The following DNAI4 variants were observed in gnomAD, a reference collection of about 807,000 sequenced individuals.
DNAI4 encodes the protein dynein axonemal intermediate chain 4.
DNAI4 carries 85 observed loss-of-function variants against 105.8 expected under a neutral mutation model. The observed-to-expected ratio is 0.80, with a 90% CI of 0.67 to 0.96. DNAI4 has a LOEUF of 0.96. Ranked by LOEUF, DNAI4 falls within the 40% of genes least tolerant of loss-of-function variation. The pLI is 0.00. For synonymous variants in DNAI4, 352 were observed against 331.5 expected, an observed-to-expected ratio of 1.06 and a Z score of -0.67; for missense variants, 1,014 against 1,005.6, an observed-to-expected ratio of 1.01 and a Z score of -0.11.
At chr1:66,906,994 T>C (rs1365420748) in intron 1 of DNAI4, 1 of 152,160 alleles carries the variant, frequency 6.6e-6, no homozygotes, top group Admixed American at 6.6e-5. Flanking sequence ...AGGTCTCCTA[T>C]CTTATTTTTT....
At chr1:66,833,313 A>C (rs1645907268) in intron 13 of DNAI4, among the ~76,000 whole-genome samples, 1 of 152,138 alleles carries the variant, frequency 6.6e-6, no homozygotes, top group Non-Finnish European at 1.5e-5. Flanking sequence ...AGAGTTGTGC[A>C]ATCATCACCA....
chr1:66,900,437 A>T (rs890048829), intron 2 of DNAI4, among the ~76,000 whole-genome samples: 6 of 152,128 alleles, frequency 3.9e-5, no homozygotes, highest in Non-Finnish European at 7.4e-5. Context: ...AGTTTGTAGA[A>T]AGAAGTCAGC....
intron 16 of DNAI4, among the ~76,000 whole-genome samples, chr1:66,820,455 A>G (rs1436073611): frequency 6.6e-6 from 1 of 152,158 alleles, no homozygotes. Flanking sequence ...TACAACCCAG[A>G]AAAAAGAGAC....
intron 3 of DNAI4, among the ~76,000 whole-genome samples, 173 bp downstream of exon 3, chr1:66,893,055 GA>G (rs1647901649): frequency 2.6e-4 from 21 of 80,762 alleles, no homozygotes; most frequent in African/African-American, 9.1e-4. Flanking sequence ...AAGAAAGAAA[GA>G]GAGAGAGAGA....
At chr1:66,834,990 C>G (rs1347064004) in intron 11 of DNAI4, among the ~76,000 whole-genome samples, 1 of 152,076 alleles carries the variant, frequency 6.6e-6, no homozygotes, top group Non-Finnish European at 1.5e-5. Flanking sequence ...CCATTGGTAT[C>G]TTGTCTATTA....
intron 8 of DNAI4, among the ~76,000 whole-genome samples, chr1:66,842,421 C>T (rs765726771): frequency 2.6e-5 from 4 of 152,086 alleles, no homozygotes; most frequent in Non-Finnish European, 4.4e-5. Context: ...GACAGAGTCT[C>T]ACTCTGTTGT....
intron 7 of DNAI4, among the ~76,000 whole-genome samples, chr1:66,850,435 A>G (rs950457118): frequency 6.6e-6 from 1 of 152,038 alleles, no homozygotes; most frequent in Non-Finnish European, 1.5e-5. Context: ...GTCTCAAAAA[A>G]AAAAAGTCTT....
rs1553227533 is a variant in DNAI4, at chr1:66,892,992, A to AGAGAGAGAG, written c.530+236_530+237insCTCTCTCTC. ...AAGAAAGAAAGAAAGAAAGAAAGAAAGAAAGAGAGAAAGAGAGAGAGGAAA... is the reference window on the plus strand; with the variant it reads ...AAGAAAGAAAGAAAGAAAGAAAGAAAGAGAGAGAGGAAAGAGAGAAAGAGAGAGAGGAAA... On this transcript the variant is annotated intron_variant, in intron 3 of 16. Coordinates refer to ENST00000371026, the MANE Select transcript of DNAI4 (RefSeq NM_024763.5). 6.5e-4 allele frequency among the ~76,000 whole-genome samples: 75 copies of AGAGAGAGAG among 114,740 alleles called. 1 individual carries two copies. The highest frequency in any genetic ancestry group is 2.7e-3 in the African/African-American group (72 of 26,524). The allele number at this position is 114,740 out of a possible 152,430, so 75.3% of individuals were successfully genotyped here.
chr1:66,908,594 T>C (rs1649426946), intron 1 of DNAI4, among the ~76,000 whole-genome samples: 1 of 152,220 alleles, frequency 6.6e-6, no homozygotes, highest in African/African-American at 2.4e-5. Context: ...AACTATTTTT[T>C]CAATGGCAAT....
chr1:66,883,184 T>C (rs941869613), intron 4 of DNAI4, among the ~76,000 whole-genome samples: 8 of 148,590 alleles, frequency 5.4e-5, no homozygotes, highest in Non-Finnish European at 7.5e-5. Context: ...TCTTTTCTTT[T>C]TTTTTTTTTT....
At chr1:66,892,123 A>C (rs977221874) in intron 3 of DNAI4, among the ~76,000 whole-genome samples, 1 of 152,224 alleles carries the variant, frequency 6.6e-6, no homozygotes, top group African/African-American at 2.4e-5. Flanking sequence ...TTCCTTAAAC[A>C]TATGAACTTA....
At chr1:66,870,633 C>A in intron 6 of DNAI4, among the ~76,000 whole-genome samples, 1 of 148,358 alleles carries the variant, frequency 6.7e-6, no homozygotes. Flanking sequence ...GCCTGTAATC[C>A]CAGCTGCTTG....
Position 66,892,977 on chromosome 1 carries a change from GAAA to G in DNAI4, c.530+249_530+251del, listed in dbSNP as rs1160475200. Among the ~76,000 whole-genome samples, 69 of 128,462 alleles carry G rather than the reference GAAA, an allele frequency of 5.4e-4. 2 individuals are homozygous for G. Among genetic ancestry groups the G allele is most frequent in the African/African-American group, 2.2e-3 (67 of 30,286 alleles). 84.3% of individuals were successfully genotyped at this position (128,462 alleles called of 152,430 possible). A position where few individuals can be genotyped will look rare whatever the true frequency, so the allele number is the denominator to read the frequency against. ...AGAAAGAAAGAAAGAAAGAAAGAAA[GAAA>G]GAAAGAAAGAAAGAAAGAGAGAAAG... On this transcript the variant is annotated intron_variant, in intron 3 of 16. Coordinates refer to ENST00000371026, the MANE Select transcript of DNAI4 (RefSeq NM_024763.5).
intron 15 of DNAI4, among the ~76,000 whole-genome samples, chr1:66,826,081 C>A (rs1398209420): frequency 6.6e-6 from 1 of 152,044 alleles, no homozygotes; most frequent in Non-Finnish European, 1.5e-5. Flanking sequence ...TAAGTTCATA[C>A]CCCTCTGAAT....
chr1:66,883,126 G>C (rs1418958724), intron 4 of DNAI4, among the ~76,000 whole-genome samples: 4 of 146,112 alleles, frequency 2.7e-5, no homozygotes, highest in Admixed American at 2.7e-4. Flanking sequence ...TATTGACCTT[G>C]TATCCTGCAG....
chr1:66,842,512 T>C (rs1245956293), intron 8 of DNAI4, among the ~76,000 whole-genome samples: 1 of 152,172 alleles, frequency 6.6e-6, no homozygotes, highest in Admixed American at 6.5e-5. Context: ...TGCTTCAGCC[T>C]AATAAGTAGC....
At chr1:66,897,509 A>G (rs1648431479) in intron 2 of DNAI4, among the ~76,000 whole-genome samples, 1 of 152,190 alleles carries the variant, frequency 6.6e-6, no homozygotes, top group Admixed American at 6.5e-5. Context: ...GAAGACTCCA[A>G]AGGCATTTCA....
At chr1:66,907,579 C>T (rs1257991766) in intron 1 of DNAI4, among the ~76,000 whole-genome samples, 3 of 152,186 alleles carry the variant, frequency 2.0e-5, no homozygotes, top group Non-Finnish European at 4.4e-5. Flanking sequence ...TCCATGGTTT[C>T]AATGACCACA....
At chr1:66,821,351 G>A (rs998955389) in intron 16 of DNAI4, among the ~76,000 whole-genome samples, 2 of 151,774 alleles carry the variant, frequency 1.3e-5, no homozygotes, top group African/African-American at 4.8e-5. Context: ...CACCTGCCTC[G>A]GTCTCCAAAA....
Sources: allele counts gnomAD v4.1 joint callset (sites outside exome capture counted in the v4.1 genomes callset), GRCh38; gene constraint gnomAD v4.1.1; transcripts MANE v1.5; gene names NCBI Gene and HGNC (gene_info 2026-07-23, HGNC 2026-07-21).